Variants in MKLN1 observed in about 807,000 individuals in gnomAD.
MKLN1 encodes muskelin 1, also known as muskelin.
MKLN1 carries 18 observed loss-of-function variants against 99.0 expected under a neutral mutation model. The ratio of observed to expected loss-of-function variants is 0.18; its 90% CI spans 0.13 to 0.27. The LOEUF (loss-of-function observed/expected upper bound fraction) is 0.27. Ranked by LOEUF, MKLN1 falls within the 10% of genes least tolerant of loss-of-function variation. The pLI is 1.00. For synonymous variants in MKLN1, 288 were observed against 293.2 expected (o/e 0.98, Z 0.18); for missense variants, 621 against 875.9 (o/e 0.71, Z 3.67).
At chr7:131,199,435 G>A (rs1006575903) in intron 2 of MKLN1, among the ~76,000 whole-genome samples, 2 of 152,028 alleles carry the variant, frequency 1.3e-5, no homozygotes, top group African/African-American at 4.8e-5. Flanking sequence ...TAAATATTTT[G>A]TAGAGATAGG....
intron 8 of MKLN1, among the ~76,000 whole-genome samples, chr7:131,417,980 G>T (rs184208505): frequency 6.6e-6 from 1 of 152,278 alleles, no homozygotes; most frequent in Admixed American, 6.5e-5. Context: ...AAGGTGCTTT[G>T]GAGTACAAAG....
intron 16 of MKLN1, among the ~76,000 whole-genome samples, chr7:131,474,115 A>G (rs1041307375): frequency 2.6e-5 from 4 of 152,204 alleles, no homozygotes; most frequent in Non-Finnish European, 2.9e-5. Context: ...GTGCCACAGC[A>G]CTCCAGCCTG....
chr7:131,466,009 A>G (rs1796651746), intron 14 of MKLN1, among the ~76,000 whole-genome samples: 1 of 152,014 alleles, frequency 6.6e-6, no homozygotes, highest in Admixed American at 6.6e-5. Flanking sequence ...TCTTCCTATC[A>G]TTGTTTTTGT....
At chr7:131,222,844 C>G (rs1410207751) in intron 3 of MKLN1, among the ~76,000 whole-genome samples, 3 of 145,216 alleles carry the variant, frequency 2.1e-5, no homozygotes, top group African/African-American at 7.8e-5. Context: ...TGGTAAAATC[C>G]TCTTTGCTAA....
Position 131,353,033 on chromosome 7 carries a change from G to C in MKLN1, c.99-22391G>C, listed in dbSNP as rs182725825. Among the ~76,000 whole-genome samples the C allele has an allele frequency of 1.8e-3, 267 of 152,264 alleles. 1 individual carries two copies. The highest frequency in any genetic ancestry group is 5.9e-3 in the African/African-American group (247 of 41,564). ...CCATTCAGCAGTTGATGAACATCTA[G>C]ATTGTTTCCATTTTGGGGTTATTAG... On this transcript the variant is annotated intron_variant, in intron 1 of 17. Transcript: ENST00000352689.
chr7:131,313,864 A>G (rs752224575), intron 3 of MKLN1, among the ~76,000 whole-genome samples: 48 of 152,370 alleles, frequency 3.2e-4, no homozygotes, highest in Non-Finnish European at 5.7e-4. Flanking sequence ...AGCAGATGCA[A>G]TTGAAGGCAG....
At chr7:131,144,572 C>T (rs577003124) in intron 2 of MKLN1, among the ~76,000 whole-genome samples, 9 of 152,130 alleles carry the variant, frequency 5.9e-5, no homozygotes, top group Admixed American at 2.0e-4. Context: ...GTCTTGAACT[C>T]CTGGCCTCAA....
At chr7:131,168,039 A>G (rs1796151021) in intron 2 of MKLN1, among the ~76,000 whole-genome samples, 1 of 152,156 alleles carries the variant, frequency 6.6e-6, no homozygotes, top group African/African-American at 2.4e-5. Context: ...TTGGTGACTT[A>G]TTTTTCCTAA....
chr7:131,357,886 G>T (rs6969120), intron 1 of MKLN1, among the ~76,000 whole-genome samples: 2,446 of 152,162 alleles, frequency 0.016, 46 homozygotes, highest in African/African-American at 0.053. Flanking sequence ...CCTGCTTCGG[G>T]GGTTTTGTTT....
chr7:131,318,623 A>T (rs1798713876), intron 3 of MKLN1, among the ~76,000 whole-genome samples: 1 of 152,314 alleles, frequency 6.6e-6, no homozygotes, highest in South Asian at 2.1e-4. Flanking sequence ...ACTGAAGGAG[A>T]TAGAGACACA....
chr7:131,338,086 G>A (rs1799302889), intron 1 of MKLN1, among the ~76,000 whole-genome samples: 1 of 152,136 alleles, frequency 6.6e-6, no homozygotes, highest in African/African-American at 2.4e-5. Flanking sequence ...TTAAGAGATT[G>A]GGTATTTTTA....
At chr7:131,252,682 G>T (rs551025547) in intron 3 of MKLN1, among the ~76,000 whole-genome samples, 7 of 152,196 alleles carry the variant, frequency 4.6e-5, no homozygotes, top group African/African-American at 1.2e-4. Context: ...CTCAGAAGAG[G>T]TTCACTGGCT....
At chr7:131,409,180 T>C (rs920322792) in intron 6 of MKLN1, among the ~76,000 whole-genome samples, 6 of 152,226 alleles carry the variant, frequency 3.9e-5, no homozygotes, top group African/African-American at 1.4e-4. Flanking sequence ...CATATTTTTA[T>C]AGATGAGAAT....
At chr7:131,230,330 C>T in intron 3 of MKLN1, among the ~76,000 whole-genome samples, 1 of 152,028 alleles carries the variant, frequency 6.6e-6, no homozygotes, top group East Asian at 1.9e-4. Context: ...TTCTGGGGCC[C>T]CCTTGGCCAA....
At chr7:131,394,543 G>A (rs1794300980) in intron 4 of MKLN1, among the ~76,000 whole-genome samples, 1 of 152,040 alleles carries the variant, frequency 6.6e-6, no homozygotes, top group Non-Finnish European at 1.5e-5. Flanking sequence ...AGCCCAGGCA[G>A]TAATGCTCCC....
chr7:131,362,003 G>T (rs1440734525), intron 1 of MKLN1, among the ~76,000 whole-genome samples: 1 of 151,948 alleles, frequency 6.6e-6, no homozygotes, highest in Non-Finnish European at 1.5e-5. Context: ...AGAAAGAATG[G>T]CTCAAGGAAC....
chr7:131,275,534 GAT>G (rs1166104066), intron 3 of MKLN1, among the ~76,000 whole-genome samples: 30 of 14,270 alleles, frequency 2.1e-3, no homozygotes, highest in Admixed American at 4.6e-3. Flanking sequence ...ACGCCCAGCT[GAT>G]ATATATATAT....
At chr7:131,447,356 T>G (rs1796045258) in intron 12 of MKLN1, among the ~76,000 whole-genome samples, 1 of 152,082 alleles carries the variant, frequency 6.6e-6, no homozygotes, top group Non-Finnish European at 1.5e-5. Context: ...CTATATGATT[T>G]AATATTTGAC....
chr7:131,268,468 A>T (rs866221702), intron 3 of MKLN1, among the ~76,000 whole-genome samples: 1 of 152,136 alleles, frequency 6.6e-6, no homozygotes, highest in Admixed American at 6.6e-5. Context: ...TCCAATACGG[A>T]TTGGTAGAGG....
Sources: allele counts gnomAD v4.1 joint callset (sites outside exome capture counted in the v4.1 genomes callset), GRCh38; gene constraint gnomAD v4.1.1; transcripts MANE v1.5; gene names NCBI Gene and HGNC (gene_info 2026-07-23, HGNC 2026-07-21).